Variants in BMP6 observed in about 807,000 individuals in gnomAD.
The protein encoded by BMP6 is bone morphogenetic protein 6, also known as VG-1-R.
In BMP6, 17 loss-of-function variants were observed where a neutral mutation model predicts 54.1. The observed-to-expected ratio is 0.31, with a 90% CI of 0.22 to 0.47. The LOEUF (loss-of-function observed/expected upper bound fraction) is 0.47. BMP6 is among the 20% of genes least tolerant of loss of function. The pLI is 1.00. For missense variants in BMP6, 720 were observed against 690.4 expected (o/e 1.04, Z -0.48); for synonymous variants, 328 against 291.2 (o/e 1.13, Z -1.28).
chr6:7,815,381 A>C (rs1758509961), intron 1 of BMP6, among the ~76,000 whole-genome samples: 1 of 152,230 alleles, frequency 6.6e-6, no homozygotes, highest in Admixed American at 6.5e-5. Context: ...TCTGCCACTG[A>C]TAAGCTTTAA....
At position 7,809,642 on chromosome 6, in the gene BMP6, A is replaced by AC. The variant is rs369342444; in HGVS notation, c.665-35496dup. Among the ~76,000 whole-genome samples, 288 of 152,326 alleles carry AC rather than the reference A, an allele frequency of 1.9e-3. 1 individual carries two copies. Among genetic ancestry groups the AC allele is most frequent in the Middle Eastern group, 6.8e-3 (2 of 294 alleles). The stretch of plus-strand genomic sequence containing the variant: ...CCTGACCATTGACCACATTCCACCC[A>AC]CCACCATTCAGTCGGAAGCTTCAGA... On this transcript the variant is annotated intron_variant, in intron 1 of 6. Transcript: ENST00000283147.
At chr6:7,870,606 G>A (rs1212951452) in intron 4 of BMP6, among the ~76,000 whole-genome samples, 1 of 151,964 alleles carries the variant, frequency 6.6e-6, no homozygotes, top group African/African-American at 2.4e-5. Flanking sequence ...AGGCATGTCT[G>A]TCTTGGATCT....
At chr6:7,814,312 G>A (rs1488050677) in intron 1 of BMP6, among the ~76,000 whole-genome samples, 1 of 152,126 alleles carries the variant, frequency 6.6e-6, no homozygotes, top group Admixed American at 6.5e-5. Context: ...ATCTCATCAT[G>A]TTTATACTCC....
intron 1 of BMP6, among the ~76,000 whole-genome samples, chr6:7,740,256 G>A (rs1047374052): frequency 2.0e-5 from 3 of 152,280 alleles, no homozygotes; most frequent in African/African-American, 4.8e-5. Context: ...GCCTCCTCAC[G>A]TGTTTGCCTT....
chr6:7,735,553 A>T, intron 1 of BMP6, among the ~76,000 whole-genome samples: 1 of 152,234 alleles, frequency 6.6e-6, no homozygotes, highest in East Asian at 1.9e-4. Flanking sequence ...GAATAAGTTA[A>T]CAACGGAGAA....
chr6:7,742,537 G>A (rs1048453692), intron 1 of BMP6, among the ~76,000 whole-genome samples: 1 of 152,184 alleles, frequency 6.6e-6, no homozygotes, highest in African/African-American at 2.4e-5. Context: ...TCCCCGCTAG[G>A]CAACAGGGAG....
At chr6:7,816,122 A>G (rs924698249) in intron 1 of BMP6, among the ~76,000 whole-genome samples, 3 of 152,238 alleles carry the variant, frequency 2.0e-5, no homozygotes, top group South Asian at 2.1e-4. Context: ...TTGCAAAGCC[A>G]TCAGTTAGTA....
At chr6:7,795,623 C>T (rs1214791299) in intron 1 of BMP6, among the ~76,000 whole-genome samples, 2 of 152,140 alleles carry the variant, frequency 1.3e-5, no homozygotes. Context: ...AGGTACACTG[C>T]TGGGTGGCAA....
intron 1 of BMP6, among the ~76,000 whole-genome samples, chr6:7,745,625 G>C (rs952908344): frequency 3.7e-4 from 56 of 152,310 alleles, no homozygotes; most frequent in African/African-American, 1.3e-3. Context: ...ACATGACAGA[G>C]TTAATTTGGT....
Position 7,861,477 on chromosome 6 carries a change from C to T in BMP6, c.884C>T (p.Thr295Ile). The stretch of plus-strand genomic sequence containing the variant: ...GACTCTGACCTGTTTTTGTTGGACA[C>T]CCGTGTAGTATGGGCCTCAGAAGAA... Reference protein sequence around the residue: ...HRDSDLFLLDTRVVWASEEGW... With the variant: ...HRDSDLFLLDIRVVWASEEGW... Residue 295 changes from threonine (T) to isoleucine (I), a missense_variant, in exon 3 of 7, where the codon ACC becomes ATC. Transcript: ENST00000283147. 1 of 1,614,056 alleles carries T rather than the reference C, an allele frequency of 6.2e-7. No homozygotes were observed. The highest frequency in any genetic ancestry group is 8.5e-7 in the Non-Finnish European group (1 of 1,180,008).
intron 1 of BMP6, among the ~76,000 whole-genome samples, chr6:7,757,760 G>T (rs1757546461): frequency 6.6e-6 from 1 of 152,164 alleles, no homozygotes; most frequent in Non-Finnish European, 1.5e-5. Context: ...CTGGTAATCT[G>T]TGAGTGTTCT....
At chr6:7,801,271 A>T (rs933998897) in intron 1 of BMP6, among the ~76,000 whole-genome samples, 3 of 152,176 alleles carry the variant, frequency 2.0e-5, no homozygotes, top group Admixed American at 6.5e-5. Flanking sequence ...TTTCTTGAAG[A>T]CCAGTCCTCT....
chr6:7,864,698 C>T (rs1225923), intron 4 of BMP6, among the ~76,000 whole-genome samples: 52,792 of 152,008 alleles, frequency 0.35, 10,130 homozygotes, highest in East Asian at 0.6. Context: ...CACCGCCCAG[C>T]GTGATGTGAC....
intron 1 of BMP6, among the ~76,000 whole-genome samples, chr6:7,751,074 C>T (rs952781812): frequency 4.6e-5 from 7 of 152,196 alleles, no homozygotes; most frequent in Admixed American, 4.6e-4. Context: ...AGCTCAGTGC[C>T]TTTGATGTAG....
chr6:7,806,333 A>C (rs754180607), intron 1 of BMP6, among the ~76,000 whole-genome samples: 2 of 152,224 alleles, frequency 1.3e-5, no homozygotes, highest in Non-Finnish European at 2.9e-5. Flanking sequence ...TATAAGTTAC[A>C]TTCCCTGTGT....
intron 1 of BMP6, among the ~76,000 whole-genome samples, chr6:7,779,329 TA>T (rs1236770454): frequency 3.4e-5 from 5 of 145,974 alleles, no homozygotes; most frequent in South Asian, 4.2e-4. Flanking sequence ...TAAACTTATT[TA>T]TTTTTTTTTT....
chr6:7,881,120 A>G lies in BMP6; in HGVS notation c.*777A>G, dbSNP rs976945031. ...ACCAGAACGGTTCTTTGACCAGCAC[A>G]TTAACTTCTGGACTGCCGGCTCTAG... On this transcript the variant is annotated 3_prime_UTR_variant, in exon 7 of 7. Coordinates refer to ENST00000283147, the MANE Select transcript of BMP6 (RefSeq NM_001718.6). 1 of 152,296 alleles carries G rather than the reference A, an allele frequency of 6.6e-6. No homozygotes were observed. Among genetic ancestry groups the G allele is most frequent in the East Asian group, 1.9e-4 (1 of 5,202 alleles). The allele number at this position is 152,296 out of a possible 1,614,324, so 9.4% of individuals were successfully genotyped here.
intron 1 of BMP6, among the ~76,000 whole-genome samples, chr6:7,806,268 C>T (rs1758346098): frequency 6.6e-6 from 1 of 152,208 alleles, no homozygotes; most frequent in African/African-American, 2.4e-5. Flanking sequence ...CCACCTCAAC[C>T]TGATGAAATT....
intron 2 of BMP6, among the ~76,000 whole-genome samples, chr6:7,848,982 G>A (rs1759105848): frequency 6.6e-6 from 1 of 152,152 alleles, no homozygotes; most frequent in South Asian, 2.1e-4. Context: ...TTATCCTTGA[G>A]AGAACAAAGT....
Sources: allele counts gnomAD v4.1 joint callset (sites outside exome capture counted in the v4.1 genomes callset), GRCh38; gene constraint gnomAD v4.1.1; transcripts MANE v1.5; gene names NCBI Gene and HGNC (gene_info 2026-07-23, HGNC 2026-07-21).